Variants in CAMK4 observed in about 807,000 individuals in gnomAD.
CAMK4 encodes the protein calcium/calmodulin dependent protein kinase IV.
Under a neutral mutation model 44.9 loss-of-function variants are expected in CAMK4, and 22 were observed. That is an observed-to-expected ratio of 0.49 (90% CI 0.35 to 0.70). CAMK4 has a LOEUF of 0.70. CAMK4 is among the 30% of genes least tolerant of loss of function. The probability of loss-of-function intolerance (pLI) is 0.01; values close to 1 mark genes in which losing one functional copy is unlikely to be tolerated. For missense variants in CAMK4, 498 were observed against 586.8 expected (o/e 0.85, Z 1.56); for synonymous variants, 218 against 215.4 (o/e 1.01, Z -0.11).
chr5:111,480,288 A>ACACACACACACC (rs1364533152), intron 9 of CAMK4, among the ~76,000 whole-genome samples: 43 of 145,226 alleles, frequency 3.0e-4, no homozygotes, highest in African/African-American at 9.0e-4. Context: ...ACACACACAC[A>ACACACACACACC]CCCCTGGGTA....
At chr5:111,251,918 A>G (rs571163188) in intron 1 of CAMK4, among the ~76,000 whole-genome samples, 5 of 152,112 alleles carry the variant, frequency 3.3e-5, no homozygotes, top group South Asian at 2.1e-4. Context: ...CAGTGTTTAT[A>G]TCTTATTGCT....
chr5:111,361,784 T>A (rs1750601652), intron 2 of CAMK4, among the ~76,000 whole-genome samples: 1 of 152,034 alleles, frequency 6.6e-6, no homozygotes, highest in African/African-American at 2.4e-5. Flanking sequence ...AGGCATTAGT[T>A]TTCTTTTTGA....
chr5:111,328,661 T>C (rs546160392), intron 1 of CAMK4, among the ~76,000 whole-genome samples: 3 of 152,192 alleles, frequency 2.0e-5, no homozygotes, highest in East Asian at 1.9e-4. Context: ...TGTTCTTCCA[T>C]TTGTTTGTAT....
intron 1 of CAMK4, among the ~76,000 whole-genome samples, chr5:111,237,909 A>G (rs1442468817): frequency 2.0e-5 from 3 of 152,246 alleles, no homozygotes; most frequent in Non-Finnish European, 4.4e-5. Context: ...TTAATCATCG[A>G]TCAAAAAGAA....
At chr5:111,463,971 G>T (rs1754732265) in intron 7 of CAMK4, among the ~76,000 whole-genome samples, 1 of 151,774 alleles carries the variant, frequency 6.6e-6, no homozygotes. Flanking sequence ...TAGCTTACCG[G>T]CAATGGATCC....
At chr5:111,447,577 C>T (rs1019602630) in intron 6 of CAMK4, among the ~76,000 whole-genome samples, 1 of 152,190 alleles carries the variant, frequency 6.6e-6, no homozygotes, top group Admixed American at 6.5e-5. Flanking sequence ...ATGTTACTTT[C>T]CAAGTATCTT....
chr5:111,362,947 T>C (rs930142456), intron 2 of CAMK4, among the ~76,000 whole-genome samples: 1 of 152,154 alleles, frequency 6.6e-6, no homozygotes, highest in African/African-American at 2.4e-5. Context: ...CATTTCATTC[T>C]CTTTTAATCA....
chr5:111,406,946 A>G (rs1263251705), intron 5 of CAMK4, among the ~76,000 whole-genome samples: 1 of 152,180 alleles, frequency 6.6e-6, no homozygotes, highest in Non-Finnish European at 1.5e-5. Flanking sequence ...TTCAGCAGCT[A>G]TTCTGTTAGG....
At chr5:111,413,022 G>T (rs184958962) in intron 5 of CAMK4, among the ~76,000 whole-genome samples, 3 of 152,048 alleles carry the variant, frequency 2.0e-5, no homozygotes, top group Non-Finnish European at 4.4e-5. Flanking sequence ...GCTGTACGCC[G>T]CTGCTTCAAT....
chr5:111,376,402 C>T (rs924197060), intron 3 of CAMK4, among the ~76,000 whole-genome samples: 7 of 152,050 alleles, frequency 4.6e-5, no homozygotes, highest in Non-Finnish European at 2.9e-5. Context: ...ATACCCTTTA[C>T]ATATAGGCCG....
chr5:111,310,651 T>G (rs1748162820), intron 1 of CAMK4, among the ~76,000 whole-genome samples: 1 of 152,192 alleles, frequency 6.6e-6, no homozygotes. Flanking sequence ...AGTATTACTT[T>G]TCATGCTTTG....
chr5:111,487,702 T>A lies in CAMK4; in HGVS notation c.*3236T>A, dbSNP rs1755682524. 1 of 152,200 alleles carries A rather than the reference T, an allele frequency of 6.6e-6. No homozygotes were observed. The highest frequency in any genetic ancestry group is 6.6e-5 in the Admixed American group (1 of 15,266). The allele number at this position is 152,200 out of a possible 1,614,324, so 9.4% of individuals were successfully genotyped here. The stretch of plus-strand genomic sequence containing the variant: ...GAGTGTATGTTAGGCCTTTGGGACA[T>A]CAAGTGCTCAATAGTCACATGTGGC... On this transcript the variant is annotated 3_prime_UTR_variant, in exon 11 of 11. Transcript: ENST00000282356.
chr5:111,268,877 C>T (rs1407679757), intron 1 of CAMK4, among the ~76,000 whole-genome samples: 1 of 151,886 alleles, frequency 6.6e-6, no homozygotes, highest in Non-Finnish European at 1.5e-5. Flanking sequence ...ACATAAAGAT[C>T]TATTGAAAAG....
At chr5:111,333,016 C>T (rs1749237990) in intron 1 of CAMK4, among the ~76,000 whole-genome samples, 2 of 151,520 alleles carry the variant, frequency 1.3e-5, no homozygotes, top group South Asian at 4.2e-4. Flanking sequence ...ACATCATGTT[C>T]AGTGAAAAAA....
chr5:111,415,361 C>T (rs1000298339), intron 5 of CAMK4, among the ~76,000 whole-genome samples: 19 of 152,158 alleles, frequency 1.2e-4, no homozygotes, highest in African/African-American at 3.9e-4. Flanking sequence ...TGCTTTTGCT[C>T]AGGGAACCCT....
intron 1 of CAMK4, among the ~76,000 whole-genome samples, chr5:111,268,022 A>T (rs968296763): frequency 6.6e-6 from 1 of 152,140 alleles, no homozygotes; most frequent in Admixed American, 6.5e-5. Context: ...TGAGAAGCCT[A>T]TTGGGAGTTC....
chr5:111,472,940 T>G (rs1164493329), intron 7 of CAMK4, among the ~76,000 whole-genome samples: 1 of 152,222 alleles, frequency 6.6e-6, no homozygotes, highest in Non-Finnish European at 1.5e-5. Flanking sequence ...TGCTTGTGAC[T>G]TTTTTCTCCC....
At chr5:111,390,079 T>A (rs1360525679) in intron 4 of CAMK4, among the ~76,000 whole-genome samples, 1 of 152,158 alleles carries the variant, frequency 6.6e-6, no homozygotes, top group Non-Finnish European at 1.5e-5. Flanking sequence ...AATTGGAAAA[T>A]TTCATAGGTT....
intron 1 of CAMK4, among the ~76,000 whole-genome samples, chr5:111,324,352 A>G (rs1748786020): frequency 1.3e-5 from 2 of 152,064 alleles, no homozygotes; most frequent in South Asian, 4.1e-4. Context: ...AAAGGATATA[A>G]AAAGAAATAT....
Sources: allele counts gnomAD v4.1 joint callset (sites outside exome capture counted in the v4.1 genomes callset), GRCh38; gene constraint gnomAD v4.1.1; transcripts MANE v1.5; gene names NCBI Gene and HGNC (gene_info 2026-07-23, HGNC 2026-07-21).